SIDT1: variants seen among roughly 807,000 people sequenced by gnomAD.
The protein encoded by SIDT1 is SID1 transmembrane family member 1, also known as SID1 transmembrane family, member 1.
SIDT1 carries 101 observed loss-of-function variants against 107.5 expected under a neutral mutation model. The observed-to-expected ratio is 0.94, with a 90% CI of 0.80 to 1.11. The LOEUF is 1.11. Ranked by LOEUF, SIDT1 falls within the 50% of genes least tolerant of loss-of-function variation. SIDT1 has a pLI of 0.00. For missense variants in SIDT1, 1,076 were observed against 1,058.2 expected (o/e 1.02, Z -0.23); for synonymous variants, 395 against 398.2 (o/e 0.99, Z 0.10).
chr3:113,623,230 T>C (rs567690834), intron 21 of SIDT1, among the ~76,000 whole-genome samples, 197 bp from the exon 22 acceptor site: 2 of 133,910 alleles, frequency 1.5e-5, no homozygotes, highest in Non-Finnish European at 3.2e-5. Flanking sequence ...AAGATACTTA[T>C]ATGTTAAAGT....
rs1945399429 is a variant in SIDT1 at position 113,607,205 on chromosome 3, A to G, written c.1478+91A>G. On this transcript the variant is annotated intron_variant, in intron 15 of 24. Coordinates refer to ENST00000264852, the MANE Select transcript of SIDT1 (RefSeq NM_017699.3). ...TCGGTTTTTAAAAATACTAAAAACA[A>G]CTGTGGAAAACGACCCTATTCAAGG... The G allele has an allele frequency of 1.6e-5, 13 of 806,576 alleles. No homozygotes were observed. The South Asian group carries it at 2.1e-4, about 13-fold the overall frequency. The allele number at this position is 806,576 out of a possible 1,614,324, so 50.0% of individuals were successfully genotyped here. A position where few individuals can be genotyped will look rare whatever the true frequency, so the allele number is the denominator to read the frequency against.
rs751372550 is a variant in SIDT1 at position 113,576,920 on chromosome 3, A to G, written c.516-2A>G. The G allele has an allele frequency of 3.1e-6, 5 of 1,613,980 alleles. No individual in the cohort carries two copies. Among genetic ancestry groups the G allele is most frequent in the Admixed American group, 3.3e-5 (2 of 60,006 alleles). On this transcript the variant is annotated splice_acceptor_variant, in intron 3 of 24. Transcript: ENST00000264852. LOFTEE classifies it high-confidence loss of function. ...TTCCCTTCTGCCACTTACGTTTCTC[A>G]GGACAAATGTTGCCTTTCACTTTAC...
chr3:113,627,758 C>T lies in SIDT1; in HGVS notation c.*50C>T. On this transcript the variant is annotated 3_prime_UTR_variant, in exon 25 of 25. Transcript: ENST00000264852. ...GGAGCGATCAATCTTGGTGCTGTTT[C>T]ACAAAAATTACAGTGACCACAGCAA... 6.3e-7 allele frequency: 1 copy of T among 1,576,390 alleles called. No homozygotes were observed.
chr3:113,587,247 G>A (rs955735261), intron 9 of SIDT1, among the ~76,000 whole-genome samples: 2 of 152,130 alleles, frequency 1.3e-5, no homozygotes, highest in Admixed American at 6.6e-5. Flanking sequence ...ATGGGGAGGT[G>A]AGAATGATAA....
intron 1 of SIDT1, among the ~76,000 whole-genome samples, chr3:113,552,997 C>T (rs1940443530): frequency 6.6e-6 from 1 of 152,094 alleles, no homozygotes; most frequent in Admixed American, 6.6e-5. Context: ...GAAACAACTT[C>T]GTGGGCCCAG....
rs764430867 is a variant in SIDT1, at chr3:113,616,129, G to T, written c.1996G>T (p.Val666Leu). Residue 666 changes from valine to leucine, a missense_variant, in exon 20 of 25, where the codon GTG becomes TTG. Coordinates refer to ENST00000264852, the MANE Select transcript of SIDT1 (RefSeq NM_017699.3). ...GGGAATTTTCCGGCGGGCTGCCATGGTGTTCTACACAGACTGTATCCAGCA... is the reference window on the plus strand; with the variant it reads ...GGGAATTTTCCGGCGGGCTGCCATGTTGTTCTACACAGACTGTATCCAGCA... ...DLGIFRRAAMVFYTDCIQQCS... is the reference protein window; with the variant it reads ...DLGIFRRAAMLFYTDCIQQCS... The T allele has an allele frequency of 6.8e-6, 11 of 1,614,088 alleles. No homozygotes were observed. Among genetic ancestry groups the T allele is most frequent in the Non-Finnish European group, 6.8e-6 (8 of 1,179,938 alleles).
chr3:113,584,629 A>G (rs1356711494), intron 7 of SIDT1, 69 bp from the exon 8 acceptor site: 27 of 1,079,896 alleles, frequency 2.5e-5, no homozygotes, highest in Non-Finnish European at 3.6e-5. Flanking sequence ...AACAGTTCAG[A>G]CAAGAGACCA....
intron 9 of SIDT1, among the ~76,000 whole-genome samples, chr3:113,588,986 G>A (rs527316558): frequency 6.6e-6 from 1 of 152,268 alleles, no homozygotes; most frequent in East Asian, 1.9e-4. Context: ...GCTCTTCTGG[G>A]CTGGCCTCAG....
intron 21 of SIDT1, among the ~76,000 whole-genome samples, chr3:113,620,219 T>C (rs971006934): frequency 6.6e-6 from 1 of 152,014 alleles, no homozygotes; most frequent in Non-Finnish European, 1.5e-5. Context: ...TGTGTGTGTG[T>C]GTGTGCAAGT....
intron 12 of SIDT1, 56 bp from the exon 13 acceptor site, chr3:113,603,904 C>G: frequency 8.7e-7 from 1 of 1,147,104 alleles, no homozygotes; most frequent in Non-Finnish European, 1.3e-6. Flanking sequence ...GCCTTTGTAT[C>G]TCATGCATAA....
intron 1 of SIDT1, among the ~76,000 whole-genome samples, chr3:113,548,239 C>T (rs1939817370): frequency 3.3e-5 from 5 of 151,984 alleles, no homozygotes. Context: ...TTTTTATTAA[C>T]TAAATCTGTA....
intron 14 of SIDT1, among the ~76,000 whole-genome samples, chr3:113,605,744 C>T (rs777612630): frequency 9.2e-5 from 14 of 152,086 alleles, no homozygotes; most frequent in South Asian, 2.1e-4. Context: ...TGGCTCACAT[C>T]TGTAATCCCA....
chr3:113,611,960 A>G (rs2107733696), intron 18 of SIDT1, 126 bp from the exon 19 acceptor site: 2 of 640,654 alleles, frequency 3.1e-6, no homozygotes. Context: ...GAGTTTCCAG[A>G]GGGGGAGAAA....
chr3:113,581,006 C>A (rs1229830363), intron 5 of SIDT1, among the ~76,000 whole-genome samples: 2 of 152,068 alleles, frequency 1.3e-5, no homozygotes, highest in Non-Finnish European at 1.5e-5. Context: ...GTGGGCTCCG[C>A]GAGAAAGCTA....
In SIDT1 at chr3:113,608,532, A is replaced by G. The variant is rs1033396761; in HGVS notation, c.1716A>G (p.Gln572=). 3.1e-5 allele frequency: 49 copies of G among 1,597,722 alleles called. No homozygotes were observed. The East Asian group carries it at 1.0e-3, about 33-fold the overall frequency. The change falls in exon 17 of 25, where the codon CAA becomes CAG. Residue 572 remains glutamine, a synonymous_variant. Coordinates refer to ENST00000264852, the MANE Select transcript of SIDT1 (RefSeq NM_017699.3). ...TCTGCCCTAATTATTCCAACTTCCA[A>G]TTCGGTAATTAGAACTTATATCTAC... ...YHVCPNYSNF[Q]FDTSFMYMIA...
intron 9 of SIDT1, among the ~76,000 whole-genome samples, chr3:113,586,278 A>T (rs1943737823): frequency 6.6e-6 from 1 of 152,194 alleles, no homozygotes; most frequent in Admixed American, 6.5e-5. Context: ...CATTGGAAAA[A>T]ATAGAAGTGT....
At chr3:113,575,872 C>T (rs1043733570) in intron 3 of SIDT1, among the ~76,000 whole-genome samples, 1 of 152,088 alleles carries the variant, frequency 6.6e-6, no homozygotes, top group African/African-American at 2.4e-5. Flanking sequence ...GATGAGAAAT[C>T]CCAGAAGTTC....
chr3:113,551,300 G>A (rs1164754592), intron 1 of SIDT1, among the ~76,000 whole-genome samples: 2 of 152,110 alleles, frequency 1.3e-5, no homozygotes, highest in African/African-American at 2.4e-5. Flanking sequence ...TTACTGGTTC[G>A]AATGGTATTT....
intron 21 of SIDT1, among the ~76,000 whole-genome samples, chr3:113,622,010 A>G (rs1347377696): frequency 6.6e-6 from 1 of 152,262 alleles, no homozygotes; most frequent in Non-Finnish European, 1.5e-5. Context: ...TAGCCTAATC[A>G]GATAATCTAG....
Sources: allele counts gnomAD v4.1 joint callset (sites outside exome capture counted in the v4.1 genomes callset), GRCh38; gene constraint gnomAD v4.1.1; transcripts MANE v1.5; gene names NCBI Gene and HGNC (gene_info 2026-07-23, HGNC 2026-07-21).